RAP2C: variants seen among roughly 807,000 people sequenced by gnomAD.
RAP2C encodes RAP2C, member of RAS oncogene family, also known as ras-related protein Rap-2c.
Under a neutral mutation model 8.9 loss-of-function variants are expected in RAP2C, and 3 were observed. That is an observed-to-expected ratio of 0.34 (90% confidence interval 0.15 to 0.87). The LOEUF (loss-of-function observed/expected upper bound fraction) is 0.87. Ranked by LOEUF, RAP2C falls within the 40% of genes least tolerant of loss-of-function variation. The pLI is 0.51. For missense variants in RAP2C, 76 were observed against 133.7 expected (o/e 0.57, Z 2.13); for synonymous variants, 60 against 52.1 (o/e 1.15, Z -0.65).
Position 132,205,567 on chromosome X carries a change from CA to C in RAP2C, c.*54del, listed in dbSNP as rs1446848479. 1 of 111,497 alleles carries C rather than the reference CA, an allele frequency of 9.0e-6. No individual in the cohort carries two copies. The highest frequency in any genetic ancestry group is 3.3e-5 in the African/African-American group (1 of 30,584). 9.2% of individuals were successfully genotyped at this position (111,497 alleles called of 1,213,427 possible). A position where few individuals can be genotyped will look rare whatever the true frequency, so the allele number is the denominator to read the frequency against. On this transcript the variant is annotated 3_prime_UTR_variant, in exon 6 of 6. Coordinates refer to ENST00000370874, the MANE Select transcript of RAP2C (RefSeq NM_001271186.2). ...AAAGTTCTCCAAAGCAGCATCTGTG[CA>C]AATTTCCTCTGAGTTTTATCTGCAA...
At chrX:132,215,191 C>T (rs756113754) in intron 4 of RAP2C, among the ~76,000 whole-genome samples, 1 of 109,270 alleles carries the variant, frequency 9.2e-6, no homozygotes, top group Non-Finnish European at 1.9e-5. Context: ...GTAGTTACAA[C>T]GAATTACAAA....
At chrX:132,206,915 C>T (rs1440699370) in intron 5 of RAP2C, among the ~76,000 whole-genome samples, 5 of 111,485 alleles carry the variant, frequency 4.5e-5, no homozygotes, top group East Asian at 2.8e-4. Flanking sequence ...TTGGCAAGTC[C>T]GGTTTCCTCA....
At chrX:132,216,848 C>A in intron 4 of RAP2C, 148 bp downstream of exon 4, 1 of 489,532 alleles carries the variant, frequency 2.0e-6, no homozygotes, top group Non-Finnish European at 3.1e-6. Flanking sequence ...ACCCGATAGT[C>A]TTCCATGGCA....
intron 5 of RAP2C, among the ~76,000 whole-genome samples, chrX:132,213,258 A>G (rs780896001): frequency 8.9e-6 from 1 of 111,837 alleles, no homozygotes; most frequent in Non-Finnish European, 1.9e-5. Context: ...GTTACTGTCT[A>G]AGTGAGACTA....
chrX:132,216,483 A>C (rs1161326225), intron 4 of RAP2C, among the ~76,000 whole-genome samples: 2 of 101,248 alleles, frequency 2.0e-5, no homozygotes, highest in African/African-American at 7.2e-5. Flanking sequence ...TTGCAACACT[A>C]AGATTTATGA....
chrX:132,204,780 T>G lies in RAP2C; in HGVS notation c.*842A>C, dbSNP rs1602882469. The G allele has an allele frequency of 9.0e-6, 1 of 110,868 alleles. No individual in the cohort carries two copies. The highest frequency in any genetic ancestry group is 1.9e-5 in the Non-Finnish European group (1 of 52,829). The allele number at this position is 110,868 out of a possible 1,213,427, so 9.1% of individuals were successfully genotyped here. ...CAATTAATTTACCATGGATACAATA[T>G]CCCTTTTCAAAGGCATTGCTAAATA... On this transcript the variant is annotated 3_prime_UTR_variant, in exon 6 of 6. Coordinates refer to ENST00000370874, the MANE Select transcript of RAP2C (RefSeq NM_001271186.2).
intron 5 of RAP2C, among the ~76,000 whole-genome samples, chrX:132,211,214 G>A (rs1930420836): frequency 9.0e-6 from 1 of 111,332 alleles, no homozygotes; most frequent in African/African-American, 3.3e-5. Flanking sequence ...AGAATGTTAA[G>A]AAACTCTGTT....
intron 5 of RAP2C, among the ~76,000 whole-genome samples, chrX:132,206,113 C>A (rs1930267280): frequency 9.1e-6 from 1 of 109,846 alleles, no homozygotes; most frequent in Non-Finnish European, 1.9e-5. Context: ...TGTCTGTAAT[C>A]CCAGCACTCT....
At position 132,203,183 on chromosome X, in the gene RAP2C, A is replaced by G. The variant is rs1048341609; in HGVS notation, c.*2439T>C. On this transcript the variant is annotated 3_prime_UTR_variant, in exon 6 of 6. Transcript: ENST00000370874. ...GTTTGTACTTGTTATTTGAGATTTT[A>G]CCTTTCACTGATAAAGTTACAGTAC... 1.8e-5 allele frequency: 2 copies of G among 112,077 alleles called. No homozygotes were observed. Among genetic ancestry groups the G allele is most frequent in the Non-Finnish European group, 3.8e-5 (2 of 53,101 alleles). 9.2% of individuals were successfully genotyped at this position (112,077 alleles called of 1,213,427 possible).
At chrX:132,218,745 C>T (rs753036259) in intron 1 of RAP2C, 89 of 111,704 alleles carry the variant, frequency 8.0e-4, no homozygotes, top group African/African-American at 2.9e-3. Flanking sequence ...AAAAAAATCA[C>T]AAGGCTCGAA....
At chrX:132,214,645 G>C (rs1262161326) in intron 4 of RAP2C, 199 bp from the exon 5 acceptor site, 14 of 617,919 alleles carry the variant, frequency 2.3e-5, no homozygotes, top group Non-Finnish European at 2.7e-5. Context: ...GACCCTACCT[G>C]CTGGGTTTGT....
intron 5 of RAP2C, among the ~76,000 whole-genome samples, chrX:132,210,757 G>A (rs1317098107): frequency 1.8e-5 from 2 of 111,742 alleles, no homozygotes; most frequent in East Asian, 2.8e-4. Context: ...ATACTGGACT[G>A]ACATAAAGGA....
chrX:132,212,816 AAC>A (rs755953352), intron 5 of RAP2C, among the ~76,000 whole-genome samples: 1 of 112,130 alleles, frequency 8.9e-6, no homozygotes, highest in South Asian at 3.7e-4. Flanking sequence ...CTATCAACCA[AAC>A]ACAAGCTGGA....
Position 132,214,545 on chromosome X carries a change from A to C in RAP2C, c.274-99T>G, listed in dbSNP as rs1029153429. On this transcript the variant is annotated intron_variant, in intron 4 of 5. Coordinates refer to ENST00000370874, the MANE Select transcript of RAP2C (RefSeq NM_001271186.2). The stretch of plus-strand genomic sequence containing the variant: ...TACAAAAAGTCATACCTCAGTGAGT[A>C]TACAAAGCTGAATCCAAAATGAAAT... 3 of 1,086,475 alleles carry C rather than the reference A, an allele frequency of 2.8e-6. No individual in the cohort carries two copies. The African/African-American group carries it at 5.6e-5, about 20-fold the overall frequency. The allele number at this position is 1,086,475 out of a possible 1,213,427, so 89.5% of individuals were successfully genotyped here.
At chrX:132,215,122 T>G (rs5933124) in intron 4 of RAP2C, among the ~76,000 whole-genome samples, 32,756 of 109,481 alleles carry the variant, frequency 0.3, 4,595 homozygotes, top group African/African-American at 0.53. Flanking sequence ...GTCATTTTTT[T>G]TTTTTTTGCC....
intron 4 of RAP2C, among the ~76,000 whole-genome samples, chrX:132,216,207 TAA>T (rs1930575251): frequency 8.9e-6 from 1 of 111,960 alleles, no homozygotes; most frequent in South Asian, 3.7e-4. Context: ...ACAGATTTTC[TAA>T]GAGATTGGAC....
chrX:132,218,406 G>A (rs1930737858), intron 1 of RAP2C, 65 bp from the exon 2 acceptor site: 2 of 108,557 alleles, frequency 1.8e-5, no homozygotes, highest in Middle Eastern at 4.8e-3. Flanking sequence ...ACCCGTAGAA[G>A]CCCCTCCGAC....
chrX:132,212,340 A>G (rs1004688420), intron 5 of RAP2C, among the ~76,000 whole-genome samples: 1 of 111,904 alleles, frequency 8.9e-6, no homozygotes, highest in Non-Finnish European at 1.9e-5. Context: ...TCCTGTAGGT[A>G]ACTAAATAGG....
At chrX:132,209,873 C>T (rs1271293548) in intron 5 of RAP2C, among the ~76,000 whole-genome samples, 2 of 111,839 alleles carry the variant, frequency 1.8e-5, no homozygotes, top group African/African-American at 6.5e-5. Context: ...AGTCTCAAAC[C>T]ATGAACCAAC....
Sources: gnomAD v4.1 joint callset for allele counts (sites outside exome capture counted in the v4.1 genomes callset) on GRCh38, gnomAD v4.1.1 for gene constraint, MANE v1.5 for transcripts, NCBI Gene and HGNC (gene_info 2026-07-23, HGNC 2026-07-21) for gene names.